SET: variants seen among roughly 807,000 people sequenced by gnomAD.
SET encodes SET nuclear proto-oncogene, also known as protein SET.
A neutral mutation model predicts 39.0 loss-of-function variants in SET; 4 were observed. The observed-to-expected ratio is 0.10, with a 90% CI of 0.05 to 0.23. The LOEUF (loss-of-function observed/expected upper bound fraction) is 0.23, where lower values mean the gene tolerates loss of function less well. Among genes scored for constraint, SET ranks in the 10% least tolerant of loss-of-function variants. The probability of loss-of-function intolerance (pLI) is 1.00; values close to 1 mark genes in which losing one functional copy is unlikely to be tolerated. For missense variants in SET, 137 were observed against 329.7 expected, an observed-to-expected ratio of 0.42 and a Z score of 4.53; for synonymous variants, 114 against 115.9, an observed-to-expected ratio of 0.98 and a Z score of 0.11.
intron 1 of SET, chr9:128,690,006 AGCCGCC>A: frequency 2.9e-6 from 3 of 1,032,462 alleles, no homozygotes; most frequent in Non-Finnish European, 3.5e-6. Context: ...CGCTCCCATC[AGCCGCC>A]GCCGCCGCCA....
intron 1 of SET, among the ~76,000 whole-genome samples, 164 bp downstream of exon 1, chr9:128,689,819 G>T (rs1185369385): frequency 1.7e-4 from 24 of 144,714 alleles, no homozygotes; most frequent in African/African-American, 5.2e-4. Flanking sequence ...TTTTGTGCGC[G>T]GCTGGGCTGG....
At position 128,689,656 on chromosome 9, in the gene SET, G is replaced by GAACAGCAAGAAGCGATTGAACACAT. The variant is rs761744754; in HGVS notation, c.73+1_73+2insAACAGCAAGAAGCGATTGAACACAT. ...CACGACGGGGCCGACGAGACCTCAG[G>GAACAGCAAGAAGCGATTGAACACAT]TGAGAGCAGCGAGCCCGGGGGCCGG... On this transcript the variant is annotated splice_donor_variant, in intron 1 of 7. Coordinates refer to ENST00000322030, the MANE Select transcript of SET (RefSeq NM_003011.4). LOFTEE classifies it high-confidence loss of function. 6.7e-6 allele frequency: 8 copies of GAACAGCAAGAAGCGATTGAACACAT among 1,187,384 alleles called. No individual in the cohort carries two copies. The highest frequency in any genetic ancestry group is 2.2e-5 in the South Asian group (1 of 45,348). 73.6% of individuals were successfully genotyped at this position (1,187,384 alleles called of 1,614,324 possible).
chr9:128,689,550 TC>T lies in SET; in HGVS notation c.-29del. 2 of 951,892 alleles carry T rather than the reference TC, an allele frequency of 2.1e-6. No individual in the cohort carries two copies. Among genetic ancestry groups the T allele is most frequent in the Non-Finnish European group, 1.4e-6 (1 of 715,088 alleles). 59.0% of individuals were successfully genotyped at this position (951,892 alleles called of 1,614,324 possible). ...CCCTTCGCCTTCCCTTCTCTCCCCC[TC>T]CCCGCTCCCCCCCCGACCGCGGAGC... On this transcript the variant is annotated 5_prime_UTR_variant, in exon 1 of 8. Coordinates refer to ENST00000322030, the MANE Select transcript of SET (RefSeq NM_003011.4).
At chr9:128,692,115 G>A in intron 3 of SET, 115 bp downstream of exon 3, 2 of 1,264,974 alleles carry the variant, frequency 1.6e-6, no homozygotes, top group South Asian at 2.9e-5. Flanking sequence ...CAGGCTGGGT[G>A]CGGTGGCGCA....
rs1358571099 is a variant in SET at position 128,689,485 on chromosome 9, C to CG, written c.-97dup. 3.1e-6 allele frequency: 2 copies of CG among 649,996 alleles called. No homozygotes were observed. The highest frequency in any genetic ancestry group is 1.0e-4 in the Admixed American group (2 of 19,798). The allele number at this position is 649,996 out of a possible 1,614,324, so 40.3% of individuals were successfully genotyped here. On this transcript the variant is annotated 5_prime_UTR_variant, in exon 1 of 8. Coordinates refer to ENST00000322030, the MANE Select transcript of SET (RefSeq NM_003011.4). ...GGAGGAGGCGGCCGGACCGAGCGGG[C>CG]GCCCGCGCGTGTGGCGTGAGGGGAA...
At position 128,694,047 on chromosome 9, in the gene SET, AAG is replaced by A; in HGVS notation, c.810+7_810+8del. 2 of 1,516,480 alleles carry A rather than the reference AAG, an allele frequency of 1.3e-6. No homozygotes were observed. Among genetic ancestry groups the A allele is most frequent in the South Asian group, 1.2e-5 (1 of 80,764 alleles). 93.9% of individuals were successfully genotyped at this position (1,516,480 alleles called of 1,614,324 possible). Reference sequence around the variant, plus strand: ...GATGAAGGGGAGGAAGGAGAGGTAAAAGAAAATTTGGCTAAACCCACAAAGAT... The same window carrying A: ...GATGAAGGGGAGGAAGGAGAGGTAAAAAAATTTGGCTAAACCCACAAAGAT... On this transcript the variant is annotated splice_donor_region_variant and intron_variant, in intron 7 of 7. Coordinates refer to ENST00000322030, the MANE Select transcript of SET (RefSeq NM_003011.4).
At position 128,691,939 on chromosome 9, in the gene SET, G is replaced by A. The variant is rs1375716308; in HGVS notation, c.213G>A (p.Arg71=). The A allele has an allele frequency of 6.2e-7, 1 of 1,613,634 alleles. No individual in the cohort carries two copies. Among genetic ancestry groups the A allele is most frequent in the Non-Finnish European group, 8.5e-7 (1 of 1,179,838 alleles). ...NKLRQPFFQK[R]SELIAKIPNF... Reference sequence around the variant, plus strand: ...TCCGCCAACCATTTTTTCAGAAGAGGTCAGAATTGATCGCCAAAATCCCAA... The same window carrying A: ...TCCGCCAACCATTTTTTCAGAAGAGATCAGAATTGATCGCCAAAATCCCAA... The change falls in exon 3 of 8, where the codon AGG becomes AGA. Residue 71 remains arginine, a synonymous_variant. Transcript: ENST00000322030.
chr9:128,689,145 G>A (rs1253405196), upstream of SET: 1 of 453,406 alleles, frequency 2.2e-6, no homozygotes, highest in African/African-American at 2.1e-5. Context: ...CCAGGCCAAT[G>A]GCGCCGCGGC....
At chr9:128,685,417 C>A (rs1589449820), upstream of SET, among the ~76,000 whole-genome samples, 1 of 152,154 alleles carries the variant, frequency 6.6e-6, no homozygotes. Flanking sequence ...TTCCTGGGAG[C>A]ATTAACAGGA....
chr9:128,692,058 G>T, intron 3 of SET, 58 bp downstream of exon 3: 1 of 1,586,596 alleles, frequency 6.3e-7, no homozygotes, highest in Non-Finnish European at 8.6e-7. Context: ...AATGGAGGAA[G>T]CTTGGTGAAG....
chr9:128,690,618 C>A (rs970387269), intron 1 of SET: 1 of 155,638 alleles, frequency 6.4e-6, no homozygotes, highest in African/African-American at 2.4e-5. Flanking sequence ...GGTTCATGTT[C>A]TGAGAAGGCG....
At position 128,694,900 on chromosome 9, in the gene SET, C is replaced by T. The variant is rs1347972972; in HGVS notation, c.*236C>T. 2.6e-6 allele frequency: 1 copy of T among 389,052 alleles called. No homozygotes were observed. Among genetic ancestry groups the T allele is most frequent in the Non-Finnish European group, 4.5e-6 (1 of 220,174 alleles). The allele number at this position is 389,052 out of a possible 1,614,324, so 24.1% of individuals were successfully genotyped here. A position where few individuals can be genotyped will look rare whatever the true frequency, so the allele number is the denominator to read the frequency against. On this transcript the variant is annotated 3_prime_UTR_variant, in exon 8 of 8. Transcript: ENST00000322030. The stretch of plus-strand genomic sequence containing the variant: ...TTTCTGTTCGAAGTTCATTTTTATC[C>T]CTTCCTGTCTGAACAAAAACTGTAT...
chr9:128,684,552 G>A (rs1038266691), upstream of SET, among the ~76,000 whole-genome samples: 6 of 151,816 alleles, frequency 4.0e-5, no homozygotes, highest in Non-Finnish European at 8.8e-5. Flanking sequence ...GCCTCCCCGC[G>A]TCCTCCAGGT....
upstream of SET, among the ~76,000 whole-genome samples, chr9:128,686,522 A>G (rs80073484): frequency 7.9e-3 from 1,209 of 152,302 alleles, 13 homozygotes; most frequent in African/African-American, 0.023. Flanking sequence ...GTTCTCAGAC[A>G]GACTCAGCCC....
upstream of SET, chr9:128,685,211 T>C: frequency 1.2e-6 from 2 of 1,600,148 alleles, no homozygotes; most frequent in Non-Finnish European, 1.7e-6. Context: ...CCTACCTTGC[T>C]GGGTGAGCCA....
intron 3 of SET, 83 bp from the exon 4 acceptor site, chr9:128,692,574 AGTTCG>A (rs757873996): frequency 1.5e-5 from 13 of 875,996 alleles, no homozygotes; most frequent in South Asian, 4.3e-5. Context: ...ATGCTCACTA[AGTTCG>A]GAAAAATTTT....
intron 1 of SET, chr9:128,684,108 C>A: frequency 2.1e-6 from 2 of 935,766 alleles, no homozygotes; most frequent in South Asian, 3.2e-5. Context: ...GACCCCTAAG[C>A]ACCCCCAAAG....
upstream of SET, among the ~76,000 whole-genome samples, chr9:128,686,248 C>T (rs547980706): frequency 2.9e-3 from 434 of 152,230 alleles, no homozygotes; most frequent in African/African-American, 9.4e-3. Context: ...TTCTCTTCAA[C>T]TTCCTAGTGT....
intron 7 of SET, among the ~76,000 whole-genome samples, chr9:128,694,244 T>G (rs923012695): frequency 3.9e-5 from 6 of 151,956 alleles, no homozygotes; most frequent in African/African-American, 1.5e-4. Flanking sequence ...TTTTGGTTTT[T>G]TTTTGGGTTT....
Sources: gnomAD v4.1 joint callset for allele counts (sites outside exome capture counted in the v4.1 genomes callset) on GRCh38, gnomAD v4.1.1 for gene constraint, MANE v1.5 for transcripts, NCBI Gene and HGNC (gene_info 2026-07-23, HGNC 2026-07-21) for gene names.